ZNF415: variants seen among roughly 807,000 people sequenced by gnomAD.
ZNF415 encodes zinc finger protein 415.
ZNF415 carries 5 observed loss-of-function variants against 7.3 expected under a neutral mutation model. That is an observed-to-expected ratio of 0.69 (90% CI 0.36 to 1.44). The LOEUF (loss-of-function observed/expected upper bound fraction) is 1.44, where lower values mean the gene tolerates loss of function less well. ZNF415 is among the 40% of genes most tolerant of loss of function. The probability of loss-of-function intolerance (pLI) is 0.04; values close to 1 mark genes in which losing one functional copy is unlikely to be tolerated. For synonymous variants in ZNF415, 207 were observed against 226.3 expected (o/e 0.91, Z 0.77); for missense variants, 628 against 664.8 (o/e 0.94, Z 0.61).
intron 3 of ZNF415, among the ~76,000 whole-genome samples, chr19:53,113,394 C>G (rs902797006): frequency 1.2e-5 from 1 of 80,736 alleles, no homozygotes; most frequent in African/African-American, 4.7e-5. Flanking sequence ...GTAGTCCCAG[C>G]TACACGGGAG....
intron 3 of ZNF415, among the ~76,000 whole-genome samples, chr19:53,112,011 G>A (rs1021303952): frequency 1.3e-5 from 2 of 151,382 alleles, no homozygotes; most frequent in Admixed American, 6.6e-5. Flanking sequence ...GTGTGATCTC[G>A]GCTCACTGCA....
intron 2 of ZNF415, among the ~76,000 whole-genome samples, chr19:53,119,238 A>T (rs1373319629): frequency 6.6e-6 from 1 of 151,916 alleles, no homozygotes; most frequent in Non-Finnish European, 1.5e-5. Context: ...GCCCAGACCG[A>T]GCCACTGCAC....
chr19:53,127,270 T>C (rs2089303901), intron 1 of ZNF415, among the ~76,000 whole-genome samples: 1 of 152,084 alleles, frequency 6.6e-6, no homozygotes, highest in African/African-American at 2.4e-5. Context: ...CAAACTCCCA[T>C]GGGGTCTTGC....
chr19:53,129,948 C>G (rs1462999783), intron 1 of ZNF415, among the ~76,000 whole-genome samples: 1 of 151,920 alleles, frequency 6.6e-6, no homozygotes, highest in African/African-American at 2.4e-5. Flanking sequence ...GCCTGTAATC[C>G]CAGCTACTCA....
chr19:53,122,298 TG>T, intron 2 of ZNF415: 1 of 1,130,590 alleles, frequency 8.8e-7, no homozygotes, highest in Non-Finnish European at 1.3e-6. Context: ...ATGACTTCCA[TG>T]GGCAGCTTCT....
chr19:53,115,244 A>T (rs1275481010), intron 3 of ZNF415: 5 of 169,612 alleles, frequency 2.9e-5, no homozygotes, highest in African/African-American at 1.2e-4. Context: ...CTGAGGCAGG[A>T]GAATCATTTG....
intron 2 of ZNF415, among the ~76,000 whole-genome samples, chr19:53,119,003 G>A (rs978504225): frequency 6.6e-5 from 10 of 151,290 alleles, no homozygotes; most frequent in African/African-American, 1.5e-4. Flanking sequence ...AAATTAGGCC[G>A]GGCGCAGTGG....
At chr19:53,127,356 G>A (rs570951993) in intron 1 of ZNF415, among the ~76,000 whole-genome samples, 5 of 152,212 alleles carry the variant, frequency 3.3e-5, no homozygotes, top group African/African-American at 4.8e-5. Context: ...ACGAAATTTC[G>A]CAAGTCCCAG....
At chr19:53,131,741 T>C (rs747042022) in intron 1 of ZNF415, among the ~76,000 whole-genome samples, 1 of 152,112 alleles carries the variant, frequency 6.6e-6, no homozygotes, top group Non-Finnish European at 1.5e-5. Context: ...TTCCTCTTTC[T>C]TCCTAATCTT....
At chr19:53,127,704 C>T (rs7247648) in intron 1 of ZNF415, among the ~76,000 whole-genome samples, 33 of 151,784 alleles carry the variant, frequency 2.2e-4, no homozygotes, top group African/African-American at 7.3e-4. Flanking sequence ...TGGTGAAACC[C>T]CGTCTTTACT....
At chr19:53,125,905 T>C (rs2088994950) in intron 1 of ZNF415, among the ~76,000 whole-genome samples, 2 of 151,368 alleles carry the variant, frequency 1.3e-5, no homozygotes, top group Non-Finnish European at 2.9e-5. Context: ...GCCACTGCAC[T>C]ACAGCCTGGG....
At chr19:53,118,370 T>G (rs2087394881) in intron 2 of ZNF415, among the ~76,000 whole-genome samples, 1 of 152,198 alleles carries the variant, frequency 6.6e-6, no homozygotes, top group Non-Finnish European at 1.5e-5. Context: ...GTTAGGGATT[T>G]CAGCATTAGA....
Position 53,109,139 on chromosome 19 carries a change from A to G in ZNF415, c.906T>C (p.Cys302=). 2 of 1,614,026 alleles carry G rather than the reference A, an allele frequency of 1.2e-6. No homozygotes were observed. The highest frequency in any genetic ancestry group is 1.7e-5 in the Admixed American group (1 of 60,010). The stretch of plus-strand genomic sequence containing the variant: ...GACTGAAGACCTTGTCACACTCATA[A>G]CATTTGTAAGGTTTCTCTCCAGTGT... ...RVHTGEKPYK[C]YECDKVFSRN... is the part of the protein sequence containing the mutation. Residue 302 remains cysteine (C), a synonymous_variant, in exon 4 of 4, where the codon TGT becomes TGC. Coordinates refer to ENST00000243643, the MANE Select transcript of ZNF415 (RefSeq NM_018355.4).
chr19:53,117,472 A>C (rs1413811178), intron 2 of ZNF415, among the ~76,000 whole-genome samples: 3 of 151,890 alleles, frequency 2.0e-5, no homozygotes, highest in African/African-American at 7.3e-5. Flanking sequence ...GAGAATTCTA[A>C]AAAAAAACAG....
At chr19:53,122,403 C>A (rs2088254055) in intron 2 of ZNF415, 2 of 1,536,826 alleles carry the variant, frequency 1.3e-6, no homozygotes, top group South Asian at 1.2e-5. Context: ...GGGACCCTCA[C>A]CCCGTCTCCA....
chr19:53,125,211 T>C (rs1035643743), intron 1 of ZNF415, among the ~76,000 whole-genome samples: 7 of 151,842 alleles, frequency 4.6e-5, no homozygotes, highest in African/African-American at 1.7e-4. Flanking sequence ...GCCCGGCTAA[T>C]TTCTGTATTT....
rs2085670283 is a variant in ZNF415 at position 53,108,228 on chromosome 19, TTC to T, written c.*147_*148del. Reference sequence around the variant, plus strand: ...GAAGGGTTTGCTGTACTCGTAAGGATTCTCTCAAGAATGAAATTCTCTGATGC... The same window carrying T: ...GAAGGGTTTGCTGTACTCGTAAGGATTCTCAAGAATGAAATTCTCTGATGC... On this transcript the variant is annotated 3_prime_UTR_variant, in exon 4 of 4. Transcript: ENST00000243643. The T allele has an allele frequency of 4.0e-6, 3 of 751,438 alleles. No homozygotes were observed. In the Admixed American group the frequency reaches 9.3e-5, roughly 23 times the overall value. 46.5% of individuals were successfully genotyped at this position (751,438 alleles called of 1,614,324 possible).
chr19:53,125,614 C>T (rs987550940), intron 1 of ZNF415, among the ~76,000 whole-genome samples: 5 of 151,546 alleles, frequency 3.3e-5, no homozygotes, highest in Admixed American at 2.6e-4. Context: ...GGATTACAGG[C>T]GTGAGCAACC....
chr19:53,128,640 T>G (rs2089612194), intron 1 of ZNF415, among the ~76,000 whole-genome samples: 2 of 110,934 alleles, frequency 1.8e-5, no homozygotes, highest in African/African-American at 3.1e-5. Flanking sequence ...AGTAAGGCGG[T>G]GGGGACGCCT....
Sources: gnomAD v4.1 joint callset for allele counts (sites outside exome capture counted in the v4.1 genomes callset) on GRCh38, gnomAD v4.1.1 for gene constraint, MANE v1.5 for transcripts, NCBI Gene and HGNC (gene_info 2026-07-23, HGNC 2026-07-21) for gene names.